Variants in ADAM18 observed in about 807,000 individuals in gnomAD.
ADAM18 encodes ADAM metallopeptidase domain 18, also known as disintegrin and metalloproteinase domain-containing protein 18.
A neutral mutation model predicts 94.4 loss-of-function variants in ADAM18; 117 were observed. That is an observed-to-expected ratio of 1.24 (90% CI 1.07 to 1.45). ADAM18 has a LOEUF of 1.45. Among genes scored for constraint, ADAM18 ranks in the 40% most tolerant of loss-of-function variants. ADAM18 has a pLI of 0.00. For synonymous variants in ADAM18, 327 were observed against 291.6 expected (o/e 1.12, Z -1.24); for missense variants, 936 against 880.0 (o/e 1.06, Z -0.81).
intron 12 of ADAM18, 103 bp downstream of exon 12, chr8:39,648,630 T>G (rs967165035): frequency 3.5e-5 from 37 of 1,042,738 alleles, no homozygotes; most frequent in Non-Finnish European, 4.7e-5. Context: ...AACAATGCCA[T>G]TAATTTATAA....
chr8:39,660,696 A>G (rs1039966109), intron 12 of ADAM18, among the ~76,000 whole-genome samples: 2 of 152,206 alleles, frequency 1.3e-5, no homozygotes, highest in East Asian at 3.8e-4. Flanking sequence ...CAGACAGAAA[A>G]TTAACAAGAA....
intron 19 of ADAM18, among the ~76,000 whole-genome samples, chr8:39,726,781 A>C (rs1822926279): frequency 6.6e-6 from 1 of 152,160 alleles, no homozygotes; most frequent in African/African-American, 2.4e-5. Flanking sequence ...GAATGGCTCC[A>C]TTTTAGTTTC....
At chr8:39,728,993 G>A (rs7011327) in intron 19 of ADAM18, among the ~76,000 whole-genome samples, 2,951 of 152,074 alleles carry the variant, frequency 0.019, 104 homozygotes, top group African/African-American at 0.067. Flanking sequence ...GTCCAAAAGG[G>A]TTCCAGTTTG....
intron 6 of ADAM18, among the ~76,000 whole-genome samples, chr8:39,620,375 C>CCA (rs1554504854): frequency 0.29 from 25,859 of 88,442 alleles, 2,860 homozygotes; most frequent in South Asian, 0.38. Flanking sequence ...AAAAAAAAAA[C>CCA]AAAAAAAAAT....
intron 17 of ADAM18, among the ~76,000 whole-genome samples, chr8:39,697,615 CTCTT>C (rs1339619539): frequency 4.6e-5 from 7 of 151,658 alleles, no homozygotes; most frequent in South Asian, 4.1e-4. Context: ...CATATATTTA[CTCTT>C]TCTATTTCTT....
intron 6 of ADAM18, among the ~76,000 whole-genome samples, chr8:39,612,798 A>G (rs1184721984): frequency 6.6e-6 from 1 of 151,798 alleles, no homozygotes; most frequent in Non-Finnish European, 1.5e-5. Context: ...CTGCTGCCAT[A>G]GCTCCTTCAT....
chr8:39,586,453 G>A (rs979034048), intron 2 of ADAM18, among the ~76,000 whole-genome samples: 1 of 152,222 alleles, frequency 6.6e-6, no homozygotes, highest in Non-Finnish European at 1.5e-5. Context: ...ATTTGCATAA[G>A]TTATTTTCTG....
intron 3 of ADAM18, 51 bp downstream of exon 3, chr8:39,606,413 G>T (rs2129578345): frequency 8.1e-7 from 1 of 1,227,126 alleles, no homozygotes; most frequent in Non-Finnish European, 1.2e-6. Flanking sequence ...TTTAAGTTTA[G>T]ATTTTACAGC....
chr8:39,587,129 A>G (rs964299515), intron 2 of ADAM18, among the ~76,000 whole-genome samples: 1 of 152,258 alleles, frequency 6.6e-6, no homozygotes, highest in African/African-American at 2.4e-5. Flanking sequence ...GTTTGAATAT[A>G]TGCATACACC....
intron 6 of ADAM18, among the ~76,000 whole-genome samples, chr8:39,621,309 TCACACACACACACA>T (rs55818122): frequency 1.4e-3 from 176 of 128,898 alleles, no homozygotes; most frequent in East Asian, 6.9e-3. Flanking sequence ...CATGACAAAA[TCACACACACACACA>T]CACACACACA....
intron 2 of ADAM18, among the ~76,000 whole-genome samples, chr8:39,587,992 A>G (rs1818456412): frequency 6.6e-6 from 1 of 152,214 alleles, no homozygotes; most frequent in Admixed American, 6.5e-5. Context: ...TGTTGGAATT[A>G]ACATGGGGCT....
intron 7 of ADAM18, among the ~76,000 whole-genome samples, chr8:39,631,984 T>A (rs1288512874): frequency 6.6e-6 from 1 of 152,088 alleles, no homozygotes; most frequent in Non-Finnish European, 1.5e-5. Flanking sequence ...GAAAACATAG[T>A]TGACACACAA....
intron 17 of ADAM18, among the ~76,000 whole-genome samples, chr8:39,694,252 A>G (rs548780049): frequency 2.2e-3 from 335 of 151,486 alleles, no homozygotes; most frequent in Middle Eastern, 6.9e-3. Flanking sequence ...ATTTTCAATT[A>G]AAATTATTCT....
intron 7 of ADAM18, among the ~76,000 whole-genome samples, chr8:39,632,666 T>C (rs1351521392): frequency 1.3e-5 from 2 of 152,152 alleles, no homozygotes; most frequent in Non-Finnish European, 2.9e-5. Flanking sequence ...CCTAGCCTCA[T>C]CAAATAAGTT....
At chr8:39,701,635 C>T (rs1822082546) in intron 17 of ADAM18, among the ~76,000 whole-genome samples, 1 of 152,124 alleles carries the variant, frequency 6.6e-6, no homozygotes, top group Non-Finnish European at 1.5e-5. Flanking sequence ...CCCACTCCTC[C>T]TCCCAATCTC....
chr8:39,711,781 A>G (rs766542942), intron 18 of ADAM18, among the ~76,000 whole-genome samples: 1 of 152,092 alleles, frequency 6.6e-6, no homozygotes, highest in Non-Finnish European at 1.5e-5. Context: ...TACCAAGTGG[A>G]ACAACATTCT....
chr8:39,702,133 C>T (rs1453765478), intron 17 of ADAM18, among the ~76,000 whole-genome samples: 1 of 152,196 alleles, frequency 6.6e-6, no homozygotes, highest in Non-Finnish European at 1.5e-5. Flanking sequence ...TTTTACTCTA[C>T]AACCTTGCCA....
intron 11 of ADAM18, among the ~76,000 whole-genome samples, chr8:39,646,274 A>T (rs757733159): frequency 2.6e-5 from 4 of 152,188 alleles, no homozygotes; most frequent in Non-Finnish European, 5.9e-5. Context: ...GCTATCCAAT[A>T]GAAATAAAAT....
At chr8:39,639,418 A>G (rs1221838590) in intron 10 of ADAM18, among the ~76,000 whole-genome samples, 2 of 151,968 alleles carry the variant, frequency 1.3e-5, no homozygotes, top group East Asian at 3.9e-4. Context: ...TTATGTTCTT[A>G]TGAGTAGGAA....
Sources: allele counts gnomAD v4.1 joint callset (sites outside exome capture counted in the v4.1 genomes callset), GRCh38; gene constraint gnomAD v4.1.1; transcripts MANE v1.5; gene names NCBI Gene and HGNC (gene_info 2026-07-23, HGNC 2026-07-21).